The following UBA6 variants were observed in gnomAD, a reference collection of about 807,000 sequenced individuals.
UBA6 encodes the protein ubiquitin like modifier activating enzyme 6, also known as ubiquitin-like modifier-activating enzyme 6.
A neutral mutation model predicts 148.3 loss-of-function variants in UBA6; 87 were observed. The ratio of observed to expected loss-of-function variants is 0.59; its 90% CI spans 0.49 to 0.70. The LOEUF (loss-of-function observed/expected upper bound fraction) is 0.70. Among genes scored for constraint, UBA6 ranks in the 30% least tolerant of loss-of-function variants. The pLI is 0.00. For synonymous variants in UBA6, 376 were observed against 401.0 expected, an observed-to-expected ratio of 0.94 and a Z score of 0.75; for missense variants, 1,186 against 1,241.2, an observed-to-expected ratio of 0.96 and a Z score of 0.67.
At chr4:67,661,861 TTTAAG>T (rs1729866361) in intron 13 of UBA6, 1 of 291,980 alleles carries the variant, frequency 3.4e-6, no homozygotes. Flanking sequence ...CATATATAAG[TTTAAG>T]TTAACAAATC....
intron 2 of UBA6, 114 bp downstream of exon 2, chr4:67,696,530 CA>C: frequency 1.4e-6 from 1 of 719,970 alleles, no homozygotes; most frequent in Admixed American, 2.8e-5. Flanking sequence ...CACACACACA[CA>C]CACACACACA....
At chr4:67,626,106 G>C (rs538479954) in intron 28 of UBA6, among the ~76,000 whole-genome samples, 1 of 151,924 alleles carries the variant, frequency 6.6e-6, no homozygotes, top group East Asian at 1.9e-4. Flanking sequence ...AAAACAATCA[G>C]AAAAACAACA....
At chr4:67,663,319 C>T in intron 11 of UBA6, 104 bp from the exon 12 acceptor site, 1 of 728,092 alleles carries the variant, frequency 1.4e-6, no homozygotes, top group Non-Finnish European at 2.3e-6. Flanking sequence ...ATAATAAACA[C>T]ATTAGCTTAA....
At chr4:67,630,109 TCTACGCAG>T (rs1728962318) in intron 26 of UBA6, among the ~76,000 whole-genome samples, 5 of 152,106 alleles carry the variant, frequency 3.3e-5, no homozygotes, top group African/African-American at 1.2e-4. Flanking sequence ...AAAGAAAATC[TCTACGCAG>T]TATTTCAAAA....
intron 8 of UBA6, among the ~76,000 whole-genome samples, chr4:67,669,921 A>G (rs896792249): frequency 6.6e-6 from 1 of 151,768 alleles, no homozygotes; most frequent in Admixed American, 6.6e-5. Flanking sequence ...TGACAAGCAA[A>G]TGTTGCTCTA....
intron 19 of UBA6, 114 bp downstream of exon 19, chr4:67,638,829 C>T (rs1486505063): frequency 2.7e-5 from 20 of 737,924 alleles, no homozygotes; most frequent in Non-Finnish European, 4.2e-5. Flanking sequence ...AGGAGTACTA[C>T]AATAGGAACA....
At chr4:67,670,634 G>GA (rs1308692970) in intron 7 of UBA6, 42 bp from the exon 8 acceptor site, 7 of 1,476,184 alleles carry the variant, frequency 4.7e-6, no homozygotes, top group Admixed American at 3.9e-5. Flanking sequence ...TTTATATAAA[G>GA]AAAAAAACAC....
intron 13 of UBA6, among the ~76,000 whole-genome samples, chr4:67,656,709 G>A (rs1461527771): frequency 6.6e-6 from 1 of 152,052 alleles, no homozygotes; most frequent in Non-Finnish European, 1.5e-5. Context: ...AGAAATAAAG[G>A]GTATTCAATT....
At chr4:67,673,572 G>GA (rs978299169) in intron 7 of UBA6, 125 bp downstream of exon 7, 40 of 510,588 alleles carry the variant, frequency 7.8e-5, no homozygotes, top group Non-Finnish European at 1.3e-4. Context: ...CAAAATTAAT[G>GA]AAAAAAATGA....
intron 2 of UBA6, among the ~76,000 whole-genome samples, chr4:67,689,731 T>C (rs1730652038): frequency 6.6e-6 from 1 of 151,726 alleles, no homozygotes. Context: ...TGCACCTTTT[T>C]CAGACTTTTT....
intron 9 of UBA6, among the ~76,000 whole-genome samples, chr4:67,665,594 C>G (rs1033174162): frequency 6.6e-6 from 1 of 150,848 alleles, no homozygotes; most frequent in Non-Finnish European, 1.5e-5. Flanking sequence ...CATAAAGCCT[C>G]AATAATATAA....
chr4:67,656,010 G>C (rs899304126), intron 13 of UBA6, among the ~76,000 whole-genome samples: 1 of 152,136 alleles, frequency 6.6e-6, no homozygotes, highest in African/African-American at 2.4e-5. Context: ...TCTCTGAATA[G>C]AACAATAACA....
chr4:67,698,499 G>A (rs138952573), intron 1 of UBA6, among the ~76,000 whole-genome samples: 297 of 152,212 alleles, frequency 2.0e-3, no homozygotes, highest in Non-Finnish European at 3.4e-3. Flanking sequence ...TATCTCCAAC[G>A]AACAGATGGA....
At chr4:67,695,343 T>C (rs1488853952) in intron 2 of UBA6, among the ~76,000 whole-genome samples, 1 of 152,224 alleles carries the variant, frequency 6.6e-6, no homozygotes, top group Non-Finnish European at 1.5e-5. Context: ...ACACTATTTC[T>C]TCTGCTTAGA....
At chr4:67,630,278 C>A (rs537321032) in intron 26 of UBA6, among the ~76,000 whole-genome samples, 188 bp downstream of exon 26, 57 of 152,184 alleles carry the variant, frequency 3.7e-4, no homozygotes, top group Admixed American at 1.4e-3. Context: ...AATCCGACTT[C>A]TACTTAGCAA....
At chr4:67,653,651 G>A (rs1371064695) in intron 13 of UBA6, among the ~76,000 whole-genome samples, 2 of 152,126 alleles carry the variant, frequency 1.3e-5, no homozygotes, top group Non-Finnish European at 2.9e-5. Context: ...GGAGATCCTC[G>A]CCAGCAACGG....
intron 26 of UBA6, among the ~76,000 whole-genome samples, 170 bp from the exon 27 acceptor site, chr4:67,629,312 C>CA (rs36038196): frequency 6.6e-6 from 1 of 151,718 alleles, no homozygotes; most frequent in Non-Finnish European, 1.5e-5. Context: ...AATATCCCCC[C>CA]ATAAAGGTTA....
intron 17 of UBA6, among the ~76,000 whole-genome samples, chr4:67,641,665 TTGAACTCCTAACCCCCTAATTAGGCA>T (rs565927036): frequency 0.15 from 23,008 of 152,106 alleles, 1,810 homozygotes; most frequent in South Asian, 0.22. Flanking sequence ...AACTTTGGTC[TTGAACTCCTAACCCCCTAATTAGGCA>T]TGCTGCCTAT....
chr4:67,697,981 A>G (rs1730881030), intron 1 of UBA6, among the ~76,000 whole-genome samples: 1 of 152,118 alleles, frequency 6.6e-6, no homozygotes, highest in Non-Finnish European at 1.5e-5. Context: ...CTGTCTCCCA[A>G]TTATCTCTCC....
Sources: allele counts gnomAD v4.1 joint callset (sites outside exome capture counted in the v4.1 genomes callset), GRCh38; gene constraint gnomAD v4.1.1; transcripts MANE v1.5; gene names NCBI Gene and HGNC (gene_info 2026-07-23, HGNC 2026-07-21).